COL13A1: variants seen among roughly 807,000 people sequenced by gnomAD.
COL13A1 encodes the protein collagen alpha-1(XIII) chain.
A neutral mutation model predicts 130.9 loss-of-function variants in COL13A1; 89 were observed. That is an observed-to-expected ratio of 0.68 (90% confidence interval 0.57 to 0.81). The LOEUF (loss-of-function observed/expected upper bound fraction) is 0.81. Ranked by LOEUF, COL13A1 falls within the 30% of genes least tolerant of loss-of-function variation. The pLI, the probability that COL13A1 is intolerant of heterozygous loss-of-function variation, is 0.00. For synonymous variants in COL13A1, 402 were observed against 341.6 expected, an observed-to-expected ratio of 1.18 and a Z score of -1.95; for missense variants, 879 against 934.6, an observed-to-expected ratio of 0.94 and a Z score of 0.78.
At chr10:69,902,093 C>T (rs1253718888) in intron 14 of COL13A1, among the ~76,000 whole-genome samples, 1 of 152,210 alleles carries the variant, frequency 6.6e-6, no homozygotes, top group Non-Finnish European at 1.5e-5. Context: ...ACTTAACAGG[C>T]AGCCACTCCT....
intron 30 of COL13A1, among the ~76,000 whole-genome samples, chr10:69,932,203 T>G (rs1231171467): frequency 1.3e-5 from 2 of 152,184 alleles, no homozygotes; most frequent in Non-Finnish European, 2.9e-5. Context: ...TAACATAATC[T>G]TAATATATGT....
At chr10:69,912,062 C>T (rs779447165) in intron 17 of COL13A1, among the ~76,000 whole-genome samples, 2 of 152,198 alleles carry the variant, frequency 1.3e-5, no homozygotes, top group Non-Finnish European at 2.9e-5. Context: ...GGGGACCATT[C>T]GCATTAAAGA....
intron 1 of COL13A1, among the ~76,000 whole-genome samples, chr10:69,814,427 A>T (rs1003508370): frequency 4.6e-5 from 7 of 152,196 alleles, no homozygotes; most frequent in Admixed American, 1.3e-4. Context: ...TTATTACAGC[A>T]GGTGGGAGGA....
chr10:69,944,985 T>A (rs1011973876), intron 36 of COL13A1, among the ~76,000 whole-genome samples: 9 of 152,266 alleles, frequency 5.9e-5, no homozygotes, highest in Non-Finnish European at 1.2e-4. Context: ...GTCACAGGAC[T>A]TGCAGTTCCT....
chr10:69,894,163 G>A (rs1473085977), intron 10 of COL13A1, among the ~76,000 whole-genome samples: 2 of 152,220 alleles, frequency 1.3e-5, no homozygotes, highest in Admixed American at 6.5e-5. Context: ...GGTTCAGTGG[G>A]CTTCACTGCA....
Position 69,944,227 on chromosome 10 carries a change from G to T in COL13A1, c.1968+49G>T, listed in dbSNP as rs201907344. 2.2e-4 allele frequency: 334 copies of T among 1,524,848 alleles called. 2 individuals carry two copies. In the African/African-American group the frequency reaches 3.8e-3, roughly 18 times the overall value. 94.5% of individuals were successfully genotyped at this position (1,524,848 alleles called of 1,614,324 possible). Reference sequence around the variant, plus strand: ...CTGGGCGGCCAGGAGGGAGAGGCATGCCTGGGACCCAACACCAGGGGTCTC... The same window carrying T: ...CTGGGCGGCCAGGAGGGAGAGGCATTCCTGGGACCCAACACCAGGGGTCTC... On this transcript the variant is annotated intron_variant, in intron 36 of 40. Transcript: ENST00000645393.
chr10:69,882,368 G>A (rs1189238225), intron 7 of COL13A1, among the ~76,000 whole-genome samples: 1 of 152,240 alleles, frequency 6.6e-6, no homozygotes, highest in African/African-American at 2.4e-5. Flanking sequence ...GTTCAGGGCA[G>A]TAGAGCCTCT....
At chr10:69,885,142 G>A (rs1589288613) in intron 7 of COL13A1, among the ~76,000 whole-genome samples, 1 of 152,138 alleles carries the variant, frequency 6.6e-6, no homozygotes, top group African/African-American at 2.4e-5. Context: ...TCTGAAACTG[G>A]GGAAGGCCCT....
chr10:69,854,235 T>C (rs2133629199), intron 2 of COL13A1, among the ~76,000 whole-genome samples: 1 of 152,224 alleles, frequency 6.6e-6, no homozygotes, highest in African/African-American at 2.4e-5. Context: ...CTTTGCCCCT[T>C]CTCGTGCCAC....
At chr10:69,911,381 C>T (rs1379455894) in intron 17 of COL13A1, among the ~76,000 whole-genome samples, 1 of 152,234 alleles carries the variant, frequency 6.6e-6, no homozygotes, top group African/African-American at 2.4e-5. Context: ...CTTATTGAAT[C>T]CTTGTAACAA....
At position 69,895,527 on chromosome 10, in the gene COL13A1, TTTCCC is replaced by T; in HGVS notation, c.658-16_658-12del. 6.2e-7 allele frequency: 1 copy of T among 1,613,920 alleles called. No homozygotes were observed. Among genetic ancestry groups the T allele is most frequent in the East Asian group, 2.2e-5 (1 of 44,870 alleles). ...CCCCCAACAAGTGCCTAACACCACC[TTTCCC>T]TTCCCTCTCCTTCCCAGGGTCAGTG... On this transcript the variant is annotated intron_variant, in intron 12 of 40. Coordinates refer to ENST00000645393, the MANE Select transcript of COL13A1 (RefSeq NM_001368882.1).
At chr10:69,817,354 G>T (rs1476639916) in intron 1 of COL13A1, among the ~76,000 whole-genome samples, 1 of 151,572 alleles carries the variant, frequency 6.6e-6, no homozygotes, top group Non-Finnish European at 1.5e-5. Context: ...ACGTGTAGTG[G>T]TGGCTGCCTC....
In COL13A1 at chr10:69,867,422, T is replaced by C. The variant is rs78366822; in HGVS notation, c.365-376T>C. On this transcript the variant is annotated intron_variant, in intron 2 of 40. Coordinates refer to ENST00000645393, the MANE Select transcript of COL13A1 (RefSeq NM_001368882.1). Reference sequence around the variant, plus strand: ...GTCCTCATCTCTACGGGATCTGTTATTTCCGCCTTTCTCAGTGTGCCTCGC... The same window carrying C: ...GTCCTCATCTCTACGGGATCTGTTACTTCCGCCTTTCTCAGTGTGCCTCGC... Among the ~76,000 whole-genome samples the C allele has an allele frequency of 4.4e-3, 666 of 152,326 alleles. 5 individuals carry two copies. Among genetic ancestry groups the C allele is most frequent in the African/African-American group, 0.015 (642 of 41,574 alleles).
At chr10:69,922,026 C>T (rs546572032) in intron 22 of COL13A1, 91 bp downstream of exon 22, 11 of 1,443,040 alleles carry the variant, frequency 7.6e-6, no homozygotes, top group East Asian at 5.0e-5. Context: ...CAGCATTGGA[C>T]GTGTCTGTCT....
chr10:69,805,597 T>C (rs1841347673), intron 1 of COL13A1, among the ~76,000 whole-genome samples: 1 of 152,252 alleles, frequency 6.6e-6, no homozygotes, highest in Admixed American at 6.5e-5. Context: ...CAGTGGACAC[T>C]GCAGCTAGGG....
intron 25 of COL13A1, 129 bp from the exon 26 acceptor site, chr10:69,925,675 C>G: frequency 1.5e-6 from 1 of 661,556 alleles, no homozygotes; most frequent in East Asian, 2.7e-5. Flanking sequence ...CCCAGGGCCC[C>G]GCTGGCTGTT....
Position 69,930,434 on chromosome 10 carries a change from C to T in COL13A1, c.1565C>T (p.Pro522Leu), listed in dbSNP as rs1139025. ...PRGKPGDMGP[P>L]GPQGPPGKDG... is the part of the protein sequence containing the mutation. ...GGTAAACCAGGAGACATGGGCCCTC[C>T]TGGTCCCCAAGGCCCCCCAGGAAAG... Residue 522 changes from proline (P) to leucine (L), a missense_variant, in exon 30 of 41, where the codon CCT becomes CTT. Transcript: ENST00000645393. The T allele has an allele frequency of 1.9e-6, 3 of 1,613,318 alleles. No individual in the cohort carries two copies. The highest frequency in any genetic ancestry group is 1.7e-5 in the Admixed American group (1 of 59,898).
intron 22 of COL13A1, 48 bp downstream of exon 22, chr10:69,921,983 C>A (rs369724527): frequency 6.4e-7 from 1 of 1,560,050 alleles, no homozygotes; most frequent in Non-Finnish European, 8.7e-7. Context: ...TCACCCACAT[C>A]CCATACCTGG....
chr10:69,937,851 C>A, intron 34 of COL13A1, 136 bp downstream of exon 34: 1 of 594,126 alleles, frequency 1.7e-6, no homozygotes, highest in Non-Finnish European at 3.0e-6. Flanking sequence ...TCTTTCCCAC[C>A]TGGGCAAGAC....
Sources: gnomAD v4.1 joint callset for allele counts (sites outside exome capture counted in the v4.1 genomes callset) on GRCh38, gnomAD v4.1.1 for gene constraint, MANE v1.5 for transcripts, NCBI Gene and HGNC (gene_info 2026-07-23, HGNC 2026-07-21) for gene names.